The following HABP4 variants were observed in gnomAD, a reference collection of about 807,000 sequenced individuals.
HABP4 encodes the protein hyaluronan binding protein 4.
Under a neutral mutation model 44.1 loss-of-function variants are expected in HABP4, and 32 were observed. That is an observed-to-expected ratio of 0.73 (90% confidence interval 0.55 to 0.97). The LOEUF (loss-of-function observed/expected upper bound fraction) is 0.97, where lower values mean the gene tolerates loss of function less well. Among genes scored for constraint, HABP4 ranks in the 50% least tolerant of loss-of-function variants. HABP4 has a pLI of 0.00. For synonymous variants in HABP4, 216 were observed against 218.0 expected, an observed-to-expected ratio of 0.99 and a Z score of 0.08; for missense variants, 503 against 561.9, an observed-to-expected ratio of 0.90 and a Z score of 1.06.
Position 96,450,250 on chromosome 9 carries a change from C to G in HABP4, c.-30C>G. The G allele has an allele frequency of 7.2e-7, 1 of 1,381,780 alleles. No homozygotes were observed. The highest frequency in any genetic ancestry group is 1.5e-5 in the South Asian group (1 of 66,308). The allele number at this position is 1,381,780 out of a possible 1,614,324, so 85.6% of individuals were successfully genotyped here. Reference sequence around the variant, plus strand: ...CGCTGAGACGCGCTCGCGTGGGCTGCCCTCCCGGGCCCGCAGTGGTCGCGG... The same window carrying G: ...CGCTGAGACGCGCTCGCGTGGGCTGGCCTCCCGGGCCCGCAGTGGTCGCGG... On this transcript the variant is annotated 5_prime_UTR_variant, in exon 1 of 8. Coordinates refer to ENST00000375249, the MANE Select transcript of HABP4 (RefSeq NM_014282.4). This position sits in a 1 kb window ranked among gnomAD's most constrained non-coding sequence, Gnocchi z 4.8.
chr9:96,456,790 T>A lies in HABP4; in HGVS notation c.350-1589T>A, dbSNP rs1185402412. On this transcript the variant is annotated intron_variant, in intron 1 of 7. Coordinates refer to ENST00000375249, the MANE Select transcript of HABP4 (RefSeq NM_014282.4). The stretch of plus-strand genomic sequence containing the variant: ...AAAAAAAAAAAAAAAAATATATATA[T>A]ATATATATATATATATATATATATA... 6.3e-3 allele frequency among the ~76,000 whole-genome samples: 414 copies of A among 66,104 alleles called. 8 individuals carry two copies. The highest frequency in any genetic ancestry group is 0.015 in the African/African-American group (213 of 14,170). The allele number at this position is 66,104 out of a possible 152,430, so 43.4% of individuals were successfully genotyped here. A position where few individuals can be genotyped will look rare whatever the true frequency, so the allele number is the denominator to read the frequency against.
Position 96,488,333 on chromosome 9 carries a change from C to G in HABP4, c.1185+59C>G, listed in dbSNP as rs747055737. On this transcript the variant is annotated intron_variant, in intron 7 of 7. Transcript: ENST00000375249. The surrounding 1 kb of genome is among the most constrained non-coding windows in gnomAD (Gnocchi z 4.6). ...GTTAATAAGGACAGTGCCCTGGGCC[C>G]AGGATGGTCTAATTTCAGAGGGTCA... is the stretch of plus-strand genomic sequence containing the variant. 108 of 1,179,386 alleles carry G rather than the reference C, an allele frequency of 9.2e-5. 1 individual carries two copies. The highest frequency in any genetic ancestry group is 1.2e-4 in the Non-Finnish European group (100 of 832,650). The allele number at this position is 1,179,386 out of a possible 1,614,324, so 73.1% of individuals were successfully genotyped here. A position where few individuals can be genotyped will look rare whatever the true frequency, so the allele number is the denominator to read the frequency against.
intron 2 of HABP4, among the ~76,000 whole-genome samples, chr9:96,459,234 T>C (rs1012049127): frequency 6.6e-6 from 1 of 152,228 alleles, no homozygotes; most frequent in Non-Finnish European, 1.5e-5. Flanking sequence ...ACATTACCAA[T>C]TTAGACTGCT....
rs548597056 is a variant in HABP4, at chr9:96,465,396, G to T, written c.572G>T (p.Gly191Val). The change falls in exon 3 of 8, where the codon GGT becomes GTT. Residue 191 changes from glycine (G) to valine (V), a missense_variant. Gly to Val is a moderately radical substitution (Grantham distance 109, BLOSUM62 -3). Coordinates refer to ENST00000375249, the MANE Select transcript of HABP4 (RefSeq NM_014282.4). ...PLRGRGGPRGGMRGRGRGGPG... is the reference protein window; with the variant it reads ...PLRGRGGPRGVMRGRGRGGPG... Reference sequence around the variant, plus strand: ...AGAGGACGTGGAGGCCCGAGAGGGGGTATGCGCGGCAGAGGCAGAGGTGGC... The same window carrying T: ...AGAGGACGTGGAGGCCCGAGAGGGGTTATGCGCGGCAGAGGCAGAGGTGGC... The T allele has an allele frequency of 1.8e-5, 29 of 1,608,642 alleles. No homozygotes were observed. The highest frequency in any genetic ancestry group is 5.0e-5 in the Admixed American group (3 of 60,022).
At chr9:96,455,457 C>CAA (rs34929442) in intron 1 of HABP4, among the ~76,000 whole-genome samples, 2,044 of 62,772 alleles carry the variant, frequency 0.033, 48 homozygotes, top group Non-Finnish European at 0.051. Context: ...GAGACTGTCT[C>CAA]AAAAAAAAAA....
chr9:96,458,621 TC>T, intron 2 of HABP4, 80 bp downstream of exon 2: 1 of 979,046 alleles, frequency 1.0e-6, no homozygotes. Context: ...TTCTTTTCTT[TC>T]TTTCTTTTTT....
chr9:96,456,788 T>C (rs1243477551), intron 1 of HABP4, among the ~76,000 whole-genome samples: 1 of 55,144 alleles, frequency 1.8e-5, no homozygotes, highest in Non-Finnish European at 3.1e-5. Flanking sequence ...AAAATATATA[T>C]ATATATATAT....
intron 5 of HABP4, among the ~76,000 whole-genome samples, chr9:96,477,176 T>G (rs1832796766): frequency 1.3e-5 from 2 of 152,266 alleles, no homozygotes; most frequent in African/African-American, 4.8e-5. Context: ...TTCTGGAATT[T>G]ATAAACTTGT....
intron 1 of HABP4, among the ~76,000 whole-genome samples, chr9:96,451,169 C>A (rs1832269540): frequency 6.6e-6 from 1 of 152,236 alleles, no homozygotes; most frequent in Non-Finnish European, 1.5e-5. Context: ...GGCGCCTTCG[C>A]CCCTTCTCCG....
chr9:96,482,344 T>C (rs754725747), intron 5 of HABP4, among the ~76,000 whole-genome samples: 4 of 152,208 alleles, frequency 2.6e-5, no homozygotes, highest in Non-Finnish European at 4.4e-5. Flanking sequence ...TTTATGAATT[T>C]GCCTATTCTA....
intron 1 of HABP4, among the ~76,000 whole-genome samples, chr9:96,453,705 T>C (rs959805600): frequency 2.6e-5 from 4 of 152,236 alleles, no homozygotes; most frequent in Admixed American, 2.0e-4. Context: ...GTAAATTTTA[T>C]TGTATTCTGT....
At chr9:96,469,058 A>G (rs1381311719) in intron 4 of HABP4, among the ~76,000 whole-genome samples, 1 of 152,224 alleles carries the variant, frequency 6.6e-6, no homozygotes, top group Non-Finnish European at 1.5e-5. Flanking sequence ...GGATTTAAGG[A>G]CAAAGTGCCT....
At position 96,468,414 on chromosome 9, in the gene HABP4, C is replaced by T. The variant is rs139496114; in HGVS notation, c.744-2597C>T. On this transcript the variant is annotated intron_variant, in intron 4 of 7. Coordinates refer to ENST00000375249, the MANE Select transcript of HABP4 (RefSeq NM_014282.4). ...CTGGGACTACAGGCGCATGCAACCA[C>T]GCCCAGCTAATGTTTTTTGTATATT... Among the ~76,000 whole-genome samples the T allele has an allele frequency of 2.6e-5, 4 of 152,258 alleles. No individual in the cohort carries two copies. In the East Asian group the frequency reaches 5.8e-4, roughly 22 times the overall value.
intron 5 of HABP4, among the ~76,000 whole-genome samples, chr9:96,478,460 G>A (rs1178048139): frequency 6.6e-6 from 1 of 152,068 alleles, no homozygotes; most frequent in African/African-American, 2.4e-5. Flanking sequence ...GTGTTTATAT[G>A]GATATACACT....
intron 1 of HABP4, among the ~76,000 whole-genome samples, chr9:96,454,513 C>T (rs578216296): frequency 6.0e-5 from 9 of 149,652 alleles, no homozygotes; most frequent in African/African-American, 2.0e-4. Flanking sequence ...TGCAGTGGCA[C>T]GATCTTGGCT....
intron 2 of HABP4, among the ~76,000 whole-genome samples, chr9:96,461,180 G>T (rs1304588634): frequency 6.6e-6 from 1 of 152,164 alleles, no homozygotes; most frequent in African/African-American, 2.4e-5. Context: ...GAATGGTGAT[G>T]ATAGTTGCAC....
At chr9:96,482,687 A>G (rs1453241471) in intron 5 of HABP4, among the ~76,000 whole-genome samples, 1 of 152,050 alleles carries the variant, frequency 6.6e-6, no homozygotes, top group Non-Finnish European at 1.5e-5. Flanking sequence ...GCCACCACTG[A>G]CCTGCCTCCT....
chr9:96,452,488 A>T (rs1423235348), intron 1 of HABP4, among the ~76,000 whole-genome samples: 2 of 152,042 alleles, frequency 1.3e-5, no homozygotes, highest in Non-Finnish European at 2.9e-5. Flanking sequence ...TGTTTCCTGC[A>T]CTTGATGTTG....
Position 96,467,795 on chromosome 9 carries a change from G to T in HABP4, c.743+2017G>T, listed in dbSNP as rs563882474. 5.9e-5 allele frequency among the ~76,000 whole-genome samples: 9 copies of T among 152,028 alleles called. No individual in the cohort carries two copies. In the East Asian group the frequency reaches 1.7e-3, roughly 29 times the overall value. ...CCTGCCTTGGCCTCCCAAAGCGCTG[G>T]GATTACAGGCGTGAGCTACCGTGCC... is the stretch of plus-strand genomic sequence containing the variant. On this transcript the variant is annotated intron_variant, in intron 4 of 7. Transcript: ENST00000375249.
Sources: allele counts gnomAD v4.1 joint callset (sites outside exome capture counted in the v4.1 genomes callset), GRCh38; gene constraint gnomAD v4.1.1; non-coding constraint Gnocchi (gnomAD v3.1); transcripts MANE v1.5; gene names NCBI Gene and HGNC (gene_info 2026-07-23, HGNC 2026-07-21).